Variants in CC2D2A observed in about 807,000 individuals in gnomAD.
CC2D2A encodes coiled-coil and C2 domain containing 2A, also known as coiled-coil and C2 domain-containing protein 2A.
In CC2D2A, 155 loss-of-function variants were observed where a neutral mutation model predicts 212.9. The observed-to-expected ratio is 0.73, with a 90% CI of 0.64 to 0.83. The LOEUF is 0.83. Ranked by LOEUF, CC2D2A falls within the 40% of genes least tolerant of loss-of-function variation. The probability of loss-of-function intolerance (pLI) is 0.00; values close to 1 mark genes in which losing one functional copy is unlikely to be tolerated. For synonymous variants in CC2D2A, 667 were observed against 686.5 expected, an observed-to-expected ratio of 0.97 and a Z score of 0.44; for missense variants, 1,856 against 1,956.2, an observed-to-expected ratio of 0.95 and a Z score of 0.97.
At chr4:15,570,606 G>C in intron 28 of CC2D2A, 110 bp downstream of exon 28, 1 of 672,880 alleles carries the variant, frequency 1.5e-6, no homozygotes, top group Non-Finnish European at 2.6e-6. Context: ...TGTAATCCCA[G>C]CACTTTGGGA....
chr4:15,591,621 T>G (rs1172045708), intron 33 of CC2D2A, among the ~76,000 whole-genome samples: 2 of 152,192 alleles, frequency 1.3e-5, no homozygotes, highest in African/African-American at 4.8e-5. Flanking sequence ...AAATAGCAAC[T>G]ACAGCACTAT....
chr4:15,567,609 C>G, intron 25 of CC2D2A, 68 bp from the exon 26 acceptor site: 1 of 1,326,238 alleles, frequency 7.5e-7, no homozygotes, highest in South Asian at 1.3e-5. Context: ...TAAATATACT[C>G]TATTTTTGCT....
In CC2D2A at chr4:15,479,192, A is replaced by T. The variant is rs529657056; in HGVS notation, c.123+386A>T. The T allele has an allele frequency of 8.7e-6, 13 of 1,500,662 alleles. No individual in the cohort carries two copies. In the African/African-American group the frequency reaches 1.1e-4, roughly 13 times the overall value. 93.0% of individuals were successfully genotyped at this position (1,500,662 alleles called of 1,614,324 possible). On this transcript the variant is annotated intron_variant, in intron 3 of 36. Coordinates refer to ENST00000424120, the MANE Select transcript of CC2D2A (RefSeq NM_001378615.1). ...TCTTGGGAAACTCCCTCTTTTTCCAACTCCAAGCCCAAATTCTGTCTTTGA... is the reference window on the plus strand; with the variant it reads ...TCTTGGGAAACTCCCTCTTTTTCCATCTCCAAGCCCAAATTCTGTCTTTGA...
rs369001837 is a variant in CC2D2A at position 15,589,582 on chromosome 4, G to A, written c.4217G>A (p.Arg1406His). The change falls in exon 33 of 37, where the codon CGT becomes CAT. Residue 1406 changes from arginine to histidine, a missense_variant. Transcript: ENST00000424120. ...TATGTGCTAACTTGGGAGCAAGGTC[G>A]TTATTTAATATGGAATCCCTGCAGT... The part of the protein sequence containing the change: ...TAYVLTWEQG[R>H]YLIWNPCSGH... The A allele has an allele frequency of 1.9e-5, 30 of 1,612,196 alleles. No individual in the cohort carries two copies. The highest frequency in any genetic ancestry group is 6.6e-5 in the South Asian group (6 of 90,896).
At chr4:15,560,273 A>G (rs1719507375) in intron 22 of CC2D2A, among the ~76,000 whole-genome samples, 1 of 152,208 alleles carries the variant, frequency 6.6e-6, no homozygotes, top group South Asian at 2.1e-4. Flanking sequence ...GCCATCTTAT[A>G]TGCCGGGAAC....
intron 36 of CC2D2A, 77 bp from the exon 37 acceptor site, chr4:15,601,160 T>C (rs1222663685): frequency 1.0e-5 from 12 of 1,150,926 alleles, no homozygotes; most frequent in South Asian, 4.0e-5. Flanking sequence ...CTTATCTTAA[T>C]TGCATACATT....
chr4:15,480,813 G>A lies in CC2D2A; in HGVS notation c.233G>A (p.Arg78Gln), dbSNP rs762718210. Reference sequence around the variant, plus strand: ...ACCCGCCTCCTGAGTATGACAGTCCGGAGAGGCCCACGGAGTAAGTGCCCC... The same window carrying A: ...ACCCGCCTCCTGAGTATGACAGTCCAGAGAGGCCCACGGAGTAAGTGCCCC... ...PKTRLLSMTV[R>Q]RGPRSLPPIP... is the part of the protein sequence containing the mutation. The change falls in exon 4 of 37, where the codon CGG becomes CAG. Residue 78 changes from arginine to glutamine, a missense_variant. By Grantham distance (43) the Arg-to-Gln change is conservative. Transcript: ENST00000424120. The A allele has an allele frequency of 4.7e-5, 75 of 1,612,520 alleles. No homozygotes were observed. The highest frequency in any genetic ancestry group is 6.0e-5 in the Non-Finnish European group (71 of 1,179,212).
intron 4 of CC2D2A, among the ~76,000 whole-genome samples, chr4:15,487,599 G>A (rs191500434): frequency 3.8e-4 from 58 of 151,290 alleles, no homozygotes; most frequent in African/African-American, 8.5e-4. Context: ...TTTTTCATCC[G>A]TTCAGCCAAT....
intron 17 of CC2D2A, among the ~76,000 whole-genome samples, chr4:15,550,508 G>C (rs560691573): frequency 3.9e-5 from 6 of 152,262 alleles, no homozygotes; most frequent in African/African-American, 1.4e-4. Context: ...TGGAAAAGGA[G>C]GAGGCCCATT....
In CC2D2A at chr4:15,555,051, G is replaced by A. The variant is rs373579688; in HGVS notation, c.2487-21G>A. ...TGTTCTGTGGTCAAGTCAGTCTCAT[G>A]GAATCAACTCTTCTTTTCAGTGCTT... is the stretch of plus-strand genomic sequence containing the variant. On this transcript the variant is annotated intron_variant, in intron 19 of 36. Coordinates refer to ENST00000424120, the MANE Select transcript of CC2D2A (RefSeq NM_001378615.1). The A allele has an allele frequency of 7.5e-6, 12 of 1,598,388 alleles. No individual in the cohort carries two copies. The African/African-American group carries it at 1.3e-4, about 18-fold the overall frequency.
At chr4:15,561,203 A>T (rs73237172) in intron 23 of CC2D2A, among the ~76,000 whole-genome samples, 14,032 of 152,256 alleles carry the variant, frequency 0.092, 768 homozygotes, top group Non-Finnish European at 0.12. Flanking sequence ...TAATTGTCAA[A>T]TGGCTTCAAC....
At chr4:15,481,915 A>AG in intron 4 of CC2D2A, 1 of 985,396 alleles carries the variant, frequency 1.0e-6, no homozygotes, top group Non-Finnish European at 1.2e-6. Context: ...GCTCCTGGTG[A>AG]CCTTGCCATT....
At chr4:15,512,371 G>A (rs369253378) in intron 8 of CC2D2A, among the ~76,000 whole-genome samples, 8 of 152,214 alleles carry the variant, frequency 5.3e-5, no homozygotes, top group Non-Finnish European at 1.0e-4. Flanking sequence ...TTATACAACC[G>A]CAGAAAGCAT....
chr4:15,486,200 CT>C (rs1714989189), intron 4 of CC2D2A, among the ~76,000 whole-genome samples: 3 of 152,030 alleles, frequency 2.0e-5, no homozygotes, highest in Non-Finnish European at 4.4e-5. Context: ...GTATTCCCTC[CT>C]CTGATTTTTG....
intron 6 of CC2D2A, among the ~76,000 whole-genome samples, chr4:15,506,704 G>C (rs1716273467): frequency 6.6e-6 from 1 of 152,086 alleles, no homozygotes; most frequent in Non-Finnish European, 1.5e-5. Flanking sequence ...ATTTTACAAG[G>C]CGACCTCACT....
chr4:15,572,964 G>T (rs547255944), intron 28 of CC2D2A, among the ~76,000 whole-genome samples: 1 of 152,208 alleles, frequency 6.6e-6, no homozygotes. Flanking sequence ...AAAGATGAAG[G>T]GGGGAAGACT....
intron 11 of CC2D2A, chr4:15,519,551 T>C: frequency 2.2e-6 from 1 of 445,850 alleles, no homozygotes; most frequent in Non-Finnish European, 4.5e-6. Context: ...TCCATTTTCA[T>C]GCTGCTGATA....
chr4:15,535,054 TGA>T (rs945400907), intron 14 of CC2D2A, among the ~76,000 whole-genome samples: 5 of 152,148 alleles, frequency 3.3e-5, no homozygotes, highest in African/African-American at 1.2e-4. Context: ...GTGTGATCTT[TGA>T]GAGCAGGGAC....
Position 15,482,195 on chromosome 4 carries a change from T to C in CC2D2A, c.247+1368T>C. 4.1e-6 allele frequency: 4 copies of C among 985,444 alleles called. No homozygotes were observed. The South Asian group carries it at 1.9e-4, about 46-fold the overall frequency. The allele number at this position is 985,444 out of a possible 1,614,324, so 61.0% of individuals were successfully genotyped here. Reference sequence around the variant, plus strand: ...AGTAGACTCTTAGATTGGAAAAATGTGGTTCTAATCTAAAAGCAATGATAC... The same window carrying C: ...AGTAGACTCTTAGATTGGAAAAATGCGGTTCTAATCTAAAAGCAATGATAC... On this transcript the variant is annotated intron_variant, in intron 4 of 36. Coordinates refer to ENST00000424120, the MANE Select transcript of CC2D2A (RefSeq NM_001378615.1).
Sources: allele counts gnomAD v4.1 joint callset (sites outside exome capture counted in the v4.1 genomes callset), GRCh38; gene constraint gnomAD v4.1.1; transcripts MANE v1.5; gene names NCBI Gene and HGNC (gene_info 2026-07-23, HGNC 2026-07-21).